The following MGAT5 variants were observed in gnomAD, a reference collection of about 807,000 sequenced individuals.
MGAT5 encodes the protein alpha-1,6-mannosylglycoprotein 6-beta-N-acetylglucosaminyltransferase A.
Under a neutral mutation model 94.3 loss-of-function variants are expected in MGAT5, and 30 were observed. The observed-to-expected ratio is 0.32, with a 90% CI of 0.24 to 0.43. The LOEUF (loss-of-function observed/expected upper bound fraction) is 0.43, where lower values mean the gene tolerates loss of function less well. Among genes scored for constraint, MGAT5 ranks in the 20% least tolerant of loss-of-function variants. MGAT5 has a pLI of 1.00. For missense variants in MGAT5, 691 were observed against 905.5 expected (o/e 0.76, Z 3.04); for synonymous variants, 310 against 322.9 (o/e 0.96, Z 0.43).
chr2:134,407,291 C>CA (rs570275786), intron 11 of MGAT5, among the ~76,000 whole-genome samples: 47 of 152,314 alleles, frequency 3.1e-4, no homozygotes, highest in Admixed American at 9.2e-4. Flanking sequence ...CATTTGCCCT[C>CA]AGGCAGCCAA....
chr2:134,314,566 G>A (rs957351384), intron 2 of MGAT5, among the ~76,000 whole-genome samples: 5 of 152,202 alleles, frequency 3.3e-5, no homozygotes, highest in Admixed American at 1.3e-4. Context: ...AAGGAATAAC[G>A]TGATCACTCT....
At position 134,189,597 on chromosome 2, in the gene MGAT5, T is replaced by TG. The variant is rs1553490340; in HGVS notation, c.-142-64665_-142-64664insG. Reference sequence around the variant, plus strand: ...TGACTAACCTCATGGCTCTAGTTTTTTTTTGTTTTTTTTTTTTTTTTTTAA... The same window carrying TG: ...TGACTAACCTCATGGCTCTAGTTTTTGTTTTGTTTTTTTTTTTTTTTTTTAA... On this transcript the variant is annotated intron_variant, in intron 1 of 16. Coordinates refer to the MGAT5 transcript ENST00000409645. Among the ~76,000 whole-genome samples, 43 of 87,140 alleles carry TG rather than the reference T, an allele frequency of 4.9e-4. 1 individual carries two copies. The highest frequency in any genetic ancestry group is 1.2e-3 in the Admixed American group (10 of 8,388). The allele number at this position is 87,140 out of a possible 152,430, so 57.2% of individuals were successfully genotyped here.
At chr2:134,127,604 C>T (rs1178122886) in intron 1 of MGAT5, among the ~76,000 whole-genome samples, 1 of 150,218 alleles carries the variant, frequency 6.7e-6, no homozygotes, top group African/African-American at 2.4e-5. Context: ...CTGGAAGCTC[C>T]AGGCCTGGCG....
intron 10 of MGAT5, among the ~76,000 whole-genome samples, chr2:134,370,511 G>T (rs1473126029): frequency 6.6e-6 from 1 of 152,244 alleles, no homozygotes; most frequent in East Asian, 1.9e-4. Flanking sequence ...AGAAAATAAT[G>T]TGTCTCCTGC....
intron 2 of MGAT5, among the ~76,000 whole-genome samples, chr2:134,283,645 CTTTTTTTTT>C (rs35922830): frequency 0.016 from 1,084 of 69,078 alleles, 30 homozygotes; most frequent in African/African-American, 0.068. Flanking sequence ...AATGTAGTAT[CTTTTTTTTT>C]TTTTTTTTTT....
chr2:134,219,932 T>C (rs1680674308), intron 1 of MGAT5, among the ~76,000 whole-genome samples: 1 of 152,180 alleles, frequency 6.6e-6, no homozygotes, highest in African/African-American at 2.4e-5. Flanking sequence ...GGTTGAGTTA[T>C]TGAGAGGAAC....
chr2:134,148,149 A>G (rs148929984), intron 1 of MGAT5, among the ~76,000 whole-genome samples: 7 of 152,356 alleles, frequency 4.6e-5, no homozygotes, highest in African/African-American at 1.7e-4. Flanking sequence ...TGCATTTAAA[A>G]ATGTTATTTT....
rs558474270 is a variant in MGAT5, at chr2:134,243,570, C to CT, written c.-142-10691dup. 2.0e-5 allele frequency among the ~76,000 whole-genome samples: 3 copies of CT among 152,278 alleles called. No homozygotes were observed. In the East Asian group the frequency reaches 5.8e-4, roughly 29 times the overall value. On this transcript the variant is annotated intron_variant, in intron 1 of 16. Coordinates refer to the MGAT5 transcript ENST00000409645. ...GACCTTGACTTTTATGACTCTGGGT[C>CT]TGTTAAAGCTTAGGGCTGTGCGATT...
At chr2:134,336,568 A>T (rs959673220) in intron 5 of MGAT5, among the ~76,000 whole-genome samples, 1 of 152,156 alleles carries the variant, frequency 6.6e-6, no homozygotes, top group African/African-American at 2.4e-5. Flanking sequence ...AATAAGGCTG[A>T]TGGCAAATAA....
chr2:134,445,529 CTG>C (rs1685726277), intron 15 of MGAT5, among the ~76,000 whole-genome samples: 1 of 152,158 alleles, frequency 6.6e-6, no homozygotes, highest in Non-Finnish European at 1.5e-5. Context: ...CATTATAGGT[CTG>C]TGTCAGGAAG....
At chr2:134,192,154 G>A (rs1679254796) in intron 1 of MGAT5, among the ~76,000 whole-genome samples, 1 of 149,770 alleles carries the variant, frequency 6.7e-6, no homozygotes, top group Non-Finnish European at 1.5e-5. Flanking sequence ...CGCCCTCCTC[G>A]CGCTAGTGGG....
intron 1 of MGAT5, among the ~76,000 whole-genome samples, chr2:134,257,762 CTG>C (rs1683060717): frequency 6.7e-6 from 1 of 148,656 alleles, no homozygotes; most frequent in African/African-American, 2.5e-5. Flanking sequence ...GGTGCAGAGA[CTG>C]TAGGATTCTC....
chr2:134,376,970 A>G (rs1465168873), intron 10 of MGAT5, among the ~76,000 whole-genome samples: 1 of 152,062 alleles, frequency 6.6e-6, no homozygotes, highest in Non-Finnish European at 1.5e-5. Context: ...TACCTAAACC[A>G]TGTTTTTATC....
In MGAT5 at chr2:134,126,174, C is replaced by T. The variant is rs116528609; in HGVS notation, c.-143+5883C>T. On this transcript the variant is annotated intron_variant, in intron 1 of 16. Coordinates refer to the MGAT5 transcript ENST00000409645. ...TAGCAGTGAGCACCCGTTTCCTTTC[C>T]TGCCCTCACCTGTTCCTGATTCGGA... 7.6e-3 allele frequency among the ~76,000 whole-genome samples: 1,154 copies of T among 152,346 alleles called. 15 individuals are homozygous for T. Among genetic ancestry groups the T allele is most frequent in the African/African-American group, 0.027 (1,105 of 41,566 alleles).
Position 134,450,300 on chromosome 2 carries a change from A to T in MGAT5, c.*1453A>T, listed in dbSNP as rs1002674897. 1 of 152,198 alleles carries T rather than the reference A, an allele frequency of 6.6e-6. No individual in the cohort carries two copies. The highest frequency in any genetic ancestry group is 1.5e-5 in the Non-Finnish European group (1 of 68,076). The allele number at this position is 152,198 out of a possible 1,614,324, so 9.4% of individuals were successfully genotyped here. On this transcript the variant is annotated 3_prime_UTR_variant, in exon 16 of 16. Coordinates refer to ENST00000281923, the MANE Select transcript of MGAT5 (RefSeq NM_002410.5). ...CTCTGCTGGGCGCCTCAGTCGCTCA[A>T]TGATGTGCTCTGTGCCGGGGCTTCC...
At chr2:134,132,578 C>T (rs1291111358) in intron 1 of MGAT5, among the ~76,000 whole-genome samples, 1 of 152,238 alleles carries the variant, frequency 6.6e-6, no homozygotes, top group Non-Finnish European at 1.5e-5. Context: ...ATTTGTTCTT[C>T]TGTTGTTTAT....
At chr2:134,281,176 C>T (rs2105716284) in intron 2 of MGAT5, among the ~76,000 whole-genome samples, 1 of 152,318 alleles carries the variant, frequency 6.6e-6, no homozygotes, top group Non-Finnish European at 1.5e-5. Flanking sequence ...GGTGAGGATG[C>T]AATGAGATGA....
chr2:134,120,541 CG>C (rs1354643584), intron 1 of MGAT5, among the ~76,000 whole-genome samples: 18 of 151,880 alleles, frequency 1.2e-4, no homozygotes, highest in Admixed American at 1.2e-3. Flanking sequence ...CCACCTGCCC[CG>C]GGCAGCCCCT....
At position 134,441,829 on chromosome 2, in the gene MGAT5, G is replaced by T. The variant is rs758898108; in HGVS notation, c.1941G>T (p.Gln647His). The T allele has an allele frequency of 1.2e-6, 2 of 1,614,128 alleles. No individual in the cohort carries two copies. Among genetic ancestry groups the T allele is most frequent in the Non-Finnish European group, 1.7e-6 (2 of 1,180,014 alleles). The change falls in exon 15 of 16, where the codon CAG (glutamine) becomes CAT (histidine). Residue 647 changes from glutamine to histidine, a missense_variant. Gln to His is a conservative substitution (Grantham distance 24). This residue lies in a region of MGAT5 where 260 missense variants were observed against 347.0 expected (regional missense o/e 0.75). Coordinates refer to ENST00000281923, the MANE Select transcript of MGAT5 (RefSeq NM_002410.5). Reference protein sequence around the residue: ...ALQVKLAEPGQSCKQVCQESQ... With the variant: ...ALQVKLAEPGHSCKQVCQESQ... ...AGGTCAAGCTTGCTGAGCCCGGGCA[G>T]TCCTGCAAGCAGGTGTGCCAGGAGA...
Sources: gnomAD v4.1 joint callset for allele counts (sites outside exome capture counted in the v4.1 genomes callset) on GRCh38, gnomAD v4.1.1 for gene constraint, gnomAD v4.1.1 regional missense constraint, MANE v1.5 for transcripts, NCBI Gene and HGNC (gene_info 2026-07-23, HGNC 2026-07-21) for gene names.